The following ADGRL3 variants were observed in gnomAD, a reference collection of about 807,000 sequenced individuals.
The protein encoded by ADGRL3 is adhesion G protein-coupled receptor L3.
In ADGRL3, 62 loss-of-function variants were observed where a neutral mutation model predicts 153.5. The ratio of observed to expected loss-of-function variants is 0.40; its 90% confidence interval spans 0.33 to 0.50. The LOEUF (loss-of-function observed/expected upper bound fraction) is 0.50. Among genes scored for constraint, ADGRL3 ranks in the 20% least tolerant of loss-of-function variants. The pLI is 0.47. For synonymous variants in ADGRL3, 710 were observed against 672.5 expected (o/e 1.06, Z -0.86); for missense variants, 1,641 against 1,859.4 (o/e 0.88, Z 2.16).
chr4:61,648,128 T>C (rs758907534), intron 5 of ADGRL3, among the ~76,000 whole-genome samples: 19 of 152,128 alleles, frequency 1.2e-4, no homozygotes, highest in Non-Finnish European at 2.4e-4. Flanking sequence ...CAATTCCATA[T>C]GTGCTAATCA....
intron 2 of ADGRL3, among the ~76,000 whole-genome samples, chr4:61,388,210 C>G (rs376699118): frequency 1.3e-5 from 2 of 152,122 alleles, no homozygotes; most frequent in African/African-American, 4.8e-5. Context: ...GGTATCTATC[C>G]TCTCTTTGCT....
At chr4:61,718,089 G>A (rs1221266860) in intron 6 of ADGRL3, among the ~76,000 whole-genome samples, 2 of 152,116 alleles carry the variant, frequency 1.3e-5, no homozygotes, top group Middle Eastern at 3.4e-3. Context: ...TAAAAATGTA[G>A]CATAATGGAA....
At chr4:61,231,194 A>C (rs185876934) in intron 1 of ADGRL3, among the ~76,000 whole-genome samples, 60 of 152,356 alleles carry the variant, frequency 3.9e-4, no homozygotes, top group Admixed American at 2.0e-3. Context: ...GATTGTAATG[A>C]AACTAAATCC....
In ADGRL3 at chr4:61,945,870, A is replaced by G. The variant is rs1008881242; in HGVS notation, c.2420-1044A>G. On this transcript the variant is annotated intron_variant, in intron 15 of 26. Transcript: ENST00000683033. ...TAGTGAGATGAACCCGGTACCTCAGATGGAAATGCAGAAATCACCCGTCTT... is the reference window on the plus strand; with the variant it reads ...TAGTGAGATGAACCCGGTACCTCAGGTGGAAATGCAGAAATCACCCGTCTT... Among the ~76,000 whole-genome samples the G allele has an allele frequency of 9.2e-5, 14 of 152,116 alleles. No homozygotes were observed. The East Asian group carries it at 2.5e-3, about 28-fold the overall frequency.
intron 5 of ADGRL3, among the ~76,000 whole-genome samples, chr4:61,609,133 G>A (rs912049061): frequency 6.6e-6 from 1 of 152,054 alleles, no homozygotes; most frequent in Non-Finnish European, 1.5e-5. Context: ...GGATAAGGCA[G>A]GAAAATCATT....
At chr4:61,355,671 A>G (rs1178526037) in intron 1 of ADGRL3, among the ~76,000 whole-genome samples, 2 of 152,106 alleles carry the variant, frequency 1.3e-5, no homozygotes, top group South Asian at 4.1e-4. Flanking sequence ...TACAGCAAAC[A>G]TTGATCCACT....
At chr4:61,521,280 G>T (rs2152920088) in intron 4 of ADGRL3, among the ~76,000 whole-genome samples, 1 of 152,248 alleles carries the variant, frequency 6.6e-6, no homozygotes, top group Admixed American at 6.5e-5. Context: ...ACTATTCTGA[G>T]TAGACGAAAC....
chr4:61,661,866 A>G (rs1474717392), intron 5 of ADGRL3, among the ~76,000 whole-genome samples: 1 of 152,250 alleles, frequency 6.6e-6, no homozygotes, highest in Non-Finnish European at 1.5e-5. Flanking sequence ...AATTTTATGT[A>G]ATATTCATTA....
At chr4:61,466,110 G>A (rs1382928868) in intron 2 of ADGRL3, among the ~76,000 whole-genome samples, 5 of 151,994 alleles carry the variant, frequency 3.3e-5, no homozygotes, top group African/African-American at 7.2e-5. Context: ...GACAGAGCAA[G>A]ACTCCATCTC....
chr4:61,365,435 A>G (rs2096377726), intron 1 of ADGRL3, among the ~76,000 whole-genome samples: 2 of 152,194 alleles, frequency 1.3e-5, no homozygotes, highest in Admixed American at 1.3e-4. Context: ...ATTTGGGCTA[A>G]ACTATCTCAG....
At chr4:61,485,817 G>A (rs192235858) in intron 2 of ADGRL3, among the ~76,000 whole-genome samples, 13 of 152,126 alleles carry the variant, frequency 8.5e-5, no homozygotes, top group Admixed American at 5.9e-4. Context: ...GAAGTGAGAT[G>A]TTTCCTAGTT....
chr4:61,328,719 A>T (rs901849677), intron 1 of ADGRL3, among the ~76,000 whole-genome samples: 5 of 152,184 alleles, frequency 3.3e-5, no homozygotes, highest in African/African-American at 1.2e-4. Flanking sequence ...TTCAAAGTAG[A>T]GTATTTTTCT....
chr4:61,320,536 C>G (rs1437942559), intron 1 of ADGRL3, among the ~76,000 whole-genome samples: 1 of 152,160 alleles, frequency 6.6e-6, no homozygotes, highest in African/African-American at 2.4e-5. Context: ...CTGGTAAACT[C>G]AAGCCTTTCC....
chr4:61,450,002 G>A (rs1167341379), intron 2 of ADGRL3, among the ~76,000 whole-genome samples: 1 of 152,132 alleles, frequency 6.6e-6, no homozygotes, highest in African/African-American at 2.4e-5. Flanking sequence ...GACTTATTTT[G>A]AGTTTTGTTT....
At chr4:61,565,293 C>T (rs529969900) in intron 4 of ADGRL3, among the ~76,000 whole-genome samples, 1 of 152,162 alleles carries the variant, frequency 6.6e-6, no homozygotes, top group South Asian at 2.1e-4. Flanking sequence ...TACTAAAAAA[C>T]TCAGGCTCGC....
chr4:61,804,977 A>C (rs1326149115), intron 8 of ADGRL3, among the ~76,000 whole-genome samples: 1 of 122,880 alleles, frequency 8.1e-6, no homozygotes, highest in African/African-American at 3.1e-5. Context: ...TTTTTTTGAG[A>C]CGGAGTCTCA....
intron 5 of ADGRL3, among the ~76,000 whole-genome samples, chr4:61,610,925 A>G (rs553963496): frequency 5.9e-4 from 90 of 152,142 alleles, no homozygotes; most frequent in Non-Finnish European, 1.1e-3. Context: ...ACAACTACTT[A>G]TCAAGATCTT....
chr4:61,688,623 C>T (rs2095487854), intron 6 of ADGRL3, among the ~76,000 whole-genome samples: 1 of 152,154 alleles, frequency 6.6e-6, no homozygotes, highest in South Asian at 2.1e-4. Flanking sequence ...GTAATGTCTT[C>T]TGATAATCAG....
At chr4:61,498,890 T>A (rs1324486358) in intron 3 of ADGRL3, among the ~76,000 whole-genome samples, 1 of 152,306 alleles carries the variant, frequency 6.6e-6, no homozygotes, top group South Asian at 2.1e-4. Context: ...TGGCTAATTA[T>A]CATTGATTTT....
Sources: gnomAD v4.1 joint callset for allele counts (sites outside exome capture counted in the v4.1 genomes callset) on GRCh38, gnomAD v4.1.1 for gene constraint, MANE v1.5 for transcripts, NCBI Gene and HGNC (gene_info 2026-07-23, HGNC 2026-07-21) for gene names.